FHIT: variants seen among roughly 807,000 people sequenced by gnomAD.
FHIT encodes bis(5'-adenosyl)-triphosphatase.
Under a neutral mutation model 17.9 loss-of-function variants are expected in FHIT, and 19 were observed. That is an observed-to-expected ratio of 1.06 (90% CI 0.74 to 1.56). The LOEUF (loss-of-function observed/expected upper bound fraction) is 1.56. Among genes scored for constraint, FHIT ranks in the 40% most tolerant of loss-of-function variants. The probability of loss-of-function intolerance (pLI) is 0.00; values close to 1 mark genes in which losing one functional copy is unlikely to be tolerated. For missense variants in FHIT, 248 were observed against 189.2 expected (o/e 1.31, Z -1.82); for synonymous variants, 81 against 69.7 (o/e 1.16, Z -0.81).
rs552026441 is a variant in FHIT at position 59,758,879 on chromosome 3, G to A, written c.349-6558C>T. Among the ~76,000 whole-genome samples the A allele has an allele frequency of 2.6e-5, 4 of 152,228 alleles. 1 individual carries two copies. The South Asian group carries it at 8.3e-4, about 32-fold the overall frequency. ...GGGTGACTCAAGATGTGAGGGTGAT[G>A]CATTGGCCTTTAATGCTTGTGGGTG... On this transcript the variant is annotated intron_variant, in intron 8 of 9. Coordinates refer to ENST00000492590, the MANE Select transcript of FHIT (RefSeq NM_002012.4).
At chr3:61,096,821 A>T (rs967235616) in intron 2 of FHIT, among the ~76,000 whole-genome samples, 1 of 152,154 alleles carries the variant, frequency 6.6e-6, no homozygotes, top group Non-Finnish European at 1.5e-5. Context: ...AGTGAGCTGG[A>T]AAAAAGAGGC....
chr3:60,150,655 C>T (rs1441869097), intron 5 of FHIT, among the ~76,000 whole-genome samples: 1 of 152,212 alleles, frequency 6.6e-6, no homozygotes, highest in African/African-American at 2.4e-5. Context: ...CAGTCGCTCA[C>T]ACCTGCAATC....
intron 3 of FHIT, among the ~76,000 whole-genome samples, chr3:61,023,416 G>T (rs1252278873): frequency 6.6e-6 from 1 of 152,104 alleles, no homozygotes; most frequent in South Asian, 2.1e-4. Context: ...TGGCCATACT[G>T]CCCAAAGTAA....
chr3:60,175,398 C>T (rs571827223), intron 5 of FHIT, among the ~76,000 whole-genome samples: 2 of 152,152 alleles, frequency 1.3e-5, no homozygotes, highest in Non-Finnish European at 2.9e-5. Flanking sequence ...ATCTGTCCTA[C>T]AGGGTATCTC....
intron 8 of FHIT, among the ~76,000 whole-genome samples, chr3:59,782,844 C>G (rs1221245347): frequency 6.6e-6 from 1 of 152,060 alleles, no homozygotes; most frequent in African/African-American, 2.4e-5. Context: ...TCACTACCAT[C>G]TTCTAAAAAC....
chr3:60,868,039 A>T (rs1341264904), intron 3 of FHIT, among the ~76,000 whole-genome samples: 4 of 152,158 alleles, frequency 2.6e-5, no homozygotes, highest in Non-Finnish European at 4.4e-5. Context: ...GCTCACCAAG[A>T]CATAGCTTGT....
At chr3:60,677,604 G>GTA (rs1303142926) in intron 4 of FHIT, among the ~76,000 whole-genome samples, 1 of 147,232 alleles carries the variant, frequency 6.8e-6, no homozygotes, top group African/African-American at 2.5e-5. Context: ...TGGTGTGTGT[G>GTA]TATATATGTG....
At chr3:61,084,905 T>C (rs1559968952) in intron 2 of FHIT, among the ~76,000 whole-genome samples, 1 of 152,214 alleles carries the variant, frequency 6.6e-6, no homozygotes, top group Non-Finnish European at 1.5e-5. Flanking sequence ...TCATACACTA[T>C]AGATTCTTTT....
intron 5 of FHIT, among the ~76,000 whole-genome samples, chr3:60,462,562 G>A (rs1024741133): frequency 6.6e-6 from 1 of 152,176 alleles, no homozygotes; most frequent in African/African-American, 2.4e-5. Flanking sequence ...GCTGAGAGCG[G>A]AAAGCAGGGT....
chr3:60,606,456 G>C (rs191081901), intron 4 of FHIT, among the ~76,000 whole-genome samples: 168 of 152,106 alleles, frequency 1.1e-3, no homozygotes, highest in Non-Finnish European at 1.8e-3. Flanking sequence ...ACCCAGGCTG[G>C]TCTCAAACTC....
intron 8 of FHIT, among the ~76,000 whole-genome samples, chr3:59,802,967 A>C (rs929417405): frequency 3.3e-5 from 5 of 152,122 alleles, no homozygotes; most frequent in Non-Finnish European, 5.9e-5. Flanking sequence ...CATCTTACCT[A>C]TTCTACTTGA....
chr3:60,019,826 T>C (rs1281925106), intron 5 of FHIT, among the ~76,000 whole-genome samples: 1 of 152,190 alleles, frequency 6.6e-6, no homozygotes, highest in East Asian at 1.9e-4. Context: ...AGGAGCACAG[T>C]TGGGATTGGA....
intron 8 of FHIT, among the ~76,000 whole-genome samples, chr3:59,803,822 G>A (rs1391802083): frequency 6.6e-6 from 1 of 151,692 alleles, no homozygotes; most frequent in African/African-American, 2.4e-5. Context: ...CTCAAAGAAG[G>A]GATAAAATAA....
intron 8 of FHIT, among the ~76,000 whole-genome samples, chr3:59,902,770 A>G (rs1704389885): frequency 6.6e-6 from 1 of 152,212 alleles, no homozygotes; most frequent in South Asian, 2.1e-4. Context: ...AGAGCATGGA[A>G]TAGTAGTTAC....
intron 5 of FHIT, among the ~76,000 whole-genome samples, chr3:60,028,985 G>C (rs1700867912): frequency 6.6e-6 from 1 of 152,176 alleles, no homozygotes; most frequent in African/African-American, 2.4e-5. Context: ...CATCTGTACT[G>C]TTAGTTGCAG....
chr3:59,841,142 A>C lies in FHIT; in HGVS notation c.348+81204T>G, dbSNP rs143403344. 4.3e-4 allele frequency among the ~76,000 whole-genome samples: 66 copies of C among 152,270 alleles called. 1 individual carries two copies. Among genetic ancestry groups the C allele is most frequent in the African/African-American group, 1.5e-3 (63 of 41,550 alleles). On this transcript the variant is annotated intron_variant, in intron 8 of 9. Transcript: ENST00000492590. ...TCCATAGCCCCTTTGATGGTAGAAA[A>C]TGATATAAATGAAAAGGTCAGATGA...
At chr3:61,064,475 T>C (rs1311792253) in intron 2 of FHIT, among the ~76,000 whole-genome samples, 1 of 152,192 alleles carries the variant, frequency 6.6e-6, no homozygotes, top group Non-Finnish European at 1.5e-5. Context: ...GTTTCTTATA[T>C]AGGAAACAGT....
At chr3:59,833,891 C>T (rs1701250974) in intron 8 of FHIT, among the ~76,000 whole-genome samples, 1 of 152,116 alleles carries the variant, frequency 6.6e-6, no homozygotes, top group Non-Finnish European at 1.5e-5. Context: ...CCACTTTGTG[C>T]TCTCTCTCCT....
chr3:60,412,291 G>A (rs1234403414), intron 5 of FHIT, among the ~76,000 whole-genome samples: 1 of 151,936 alleles, frequency 6.6e-6, no homozygotes, highest in Non-Finnish European at 1.5e-5. Context: ...GGAAGGTGGG[G>A]GAAAAGGCAT....
Sources: allele counts gnomAD v4.1 joint callset (sites outside exome capture counted in the v4.1 genomes callset), GRCh38; gene constraint gnomAD v4.1.1; transcripts MANE v1.5; gene names NCBI Gene and HGNC (gene_info 2026-07-23, HGNC 2026-07-21).